VPS41: variants seen among roughly 807,000 people sequenced by gnomAD.
VPS41 encodes the protein VPS41 subunit of HOPS complex.
Under a neutral mutation model 130.9 loss-of-function variants are expected in VPS41, and 85 were observed. The observed-to-expected ratio is 0.65, with a 90% CI of 0.55 to 0.78. VPS41 has a LOEUF of 0.78. Among genes scored for constraint, VPS41 ranks in the 30% least tolerant of loss-of-function variants. VPS41 has a pLI of 0.00. For missense variants in VPS41, 874 were observed against 1,018.7 expected (o/e 0.86, Z 1.93); for synonymous variants, 335 against 332.9 (o/e 1.01, Z -0.07).
chr7:38,748,705 T>C (rs1796035115), intron 22 of VPS41, among the ~76,000 whole-genome samples: 1 of 151,658 alleles, frequency 6.6e-6, no homozygotes, highest in Non-Finnish European at 1.5e-5. Flanking sequence ...AGTTTAACAG[T>C]TAAAAAAAAT....
intron 16 of VPS41, among the ~76,000 whole-genome samples, 168 bp from the exon 17 acceptor site, chr7:38,763,715 A>T (rs952800322): frequency 6.6e-6 from 1 of 152,220 alleles, no homozygotes; most frequent in African/African-American, 2.4e-5. Context: ...ACTTTCTAAC[A>T]ATAAATTATA....
At chr7:38,798,366 C>T (rs961643618) in intron 7 of VPS41, among the ~76,000 whole-genome samples, 4 of 152,172 alleles carry the variant, frequency 2.6e-5, no homozygotes, top group Non-Finnish European at 5.9e-5. Flanking sequence ...CATCTCAGCT[C>T]ACTGCAACCT....
At chr7:38,896,886 T>C (rs1020822948) in intron 2 of VPS41, among the ~76,000 whole-genome samples, 35 of 152,318 alleles carry the variant, frequency 2.3e-4, no homozygotes, top group African/African-American at 3.8e-4. Flanking sequence ...ATCTATAAAA[T>C]TGATAAGCCA....
chr7:38,852,860 T>C (rs1158452643), intron 4 of VPS41, among the ~76,000 whole-genome samples: 2 of 152,204 alleles, frequency 1.3e-5, no homozygotes, highest in Non-Finnish European at 2.9e-5. Context: ...CGATTTACCA[T>C]CATCCTTCTG....
chr7:38,861,225 T>C (rs1187321468), intron 4 of VPS41, among the ~76,000 whole-genome samples: 1 of 152,210 alleles, frequency 6.6e-6, no homozygotes, highest in Non-Finnish European at 1.5e-5. Context: ...CTGCAATTTC[T>C]ATTCAATATC....
intron 14 of VPS41, 21 bp from the exon 15 acceptor site, chr7:38,767,619 A>C (rs200360918): frequency 1.6e-5 from 25 of 1,591,630 alleles, no homozygotes; most frequent in Non-Finnish European, 2.1e-5. Flanking sequence ...CCAAATGAAG[A>C]AATGTCAAAA....
intron 2 of VPS41, among the ~76,000 whole-genome samples, chr7:38,893,361 A>G (rs1232592383): frequency 6.6e-6 from 1 of 152,042 alleles, no homozygotes; most frequent in East Asian, 1.9e-4. Flanking sequence ...ACTCTTGAAG[A>G]CTCCAACTGA....
At position 38,818,030 on chromosome 7, in the gene VPS41, A is replaced by G. The variant is rs562464204; in HGVS notation, c.385-148T>C. 3 of 647,714 alleles carry G rather than the reference A, an allele frequency of 4.6e-6. No individual in the cohort carries two copies. The South Asian group carries it at 5.4e-5, about 12-fold the overall frequency. 40.1% of individuals were successfully genotyped at this position (647,714 alleles called of 1,614,324 possible). On this transcript the variant is annotated intron_variant, in intron 6 of 28. Transcript: ENST00000310301. ...TATATTCAAATCATATTTTACAACA[A>G]CTGATGACATCTGAGTTTTCTTCTT...
intron 7 of VPS41, among the ~76,000 whole-genome samples, chr7:38,802,931 TA>T (rs1235082189): frequency 6.6e-6 from 1 of 152,250 alleles, no homozygotes; most frequent in East Asian, 1.9e-4. Flanking sequence ...CAATGGGAGC[TA>T]AGTACATAGA....
intron 2 of VPS41, among the ~76,000 whole-genome samples, chr7:38,881,834 G>C (rs1193594974): frequency 6.6e-6 from 1 of 151,964 alleles, no homozygotes; most frequent in Non-Finnish European, 1.5e-5. Flanking sequence ...ATTCACTGAC[G>C]AGCAGCTCTA....
At chr7:38,886,374 T>C (rs959953578) in intron 2 of VPS41, among the ~76,000 whole-genome samples, 10 of 152,344 alleles carry the variant, frequency 6.6e-5, no homozygotes, top group African/African-American at 2.4e-4. Context: ...GCAGGTACCA[T>C]GCCCATGGAG....
intron 17 of VPS41, among the ~76,000 whole-genome samples, chr7:38,761,576 A>G (rs1447132004): frequency 2.7e-5 from 4 of 147,952 alleles, no homozygotes; most frequent in Non-Finnish European, 5.9e-5. Flanking sequence ...TACAGGGGTG[A>G]GCCACCACAC....
Position 38,743,548 on chromosome 7 carries a change from TG to T in VPS41, c.1982-7del. 1 of 1,613,348 alleles carries T rather than the reference TG, an allele frequency of 6.2e-7. No individual in the cohort carries two copies. Among genetic ancestry groups the T allele is most frequent in the Non-Finnish European group, 8.5e-7 (1 of 1,179,514 alleles). On this transcript the variant is annotated splice_region_variant and splice_polypyrimidine_tract_variant and intron_variant, in intron 23 of 28. Transcript: ENST00000310301. ...TCGGCTATTACCCATTCGGCCTTGGTGGGGTGAAGATGGGAGAAAGAGTTCA... is the reference window on the plus strand; with the variant it reads ...TCGGCTATTACCCATTCGGCCTTGGTGGGTGAAGATGGGAGAAAGAGTTCA...
At chr7:38,727,060 G>T in intron 27 of VPS41, 72 bp from the exon 28 acceptor site, 2 of 1,354,174 alleles carry the variant, frequency 1.5e-6, no homozygotes, top group Non-Finnish European at 1.9e-6. Flanking sequence ...AATCCCGACT[G>T]AAAGTCGAGT....
chr7:38,872,506 T>C (rs907403157), intron 2 of VPS41, among the ~76,000 whole-genome samples: 2 of 152,236 alleles, frequency 1.3e-5, no homozygotes, highest in African/African-American at 2.4e-5. Flanking sequence ...ATTCCCTTGT[T>C]ATACATAAGC....
chr7:38,868,567 G>T (rs1015080792), intron 3 of VPS41, among the ~76,000 whole-genome samples: 14 of 152,118 alleles, frequency 9.2e-5, no homozygotes, highest in African/African-American at 3.4e-4. Context: ...GACACAAACT[G>T]TTTTGGTCCA....
At chr7:38,808,751 T>C (rs1784884286) in intron 7 of VPS41, among the ~76,000 whole-genome samples, 1 of 152,146 alleles carries the variant, frequency 6.6e-6, no homozygotes, top group Non-Finnish European at 1.5e-5. Flanking sequence ...AGAGAGGAAC[T>C]GCTAATGTCA....
intron 1 of VPS41, among the ~76,000 whole-genome samples, chr7:38,908,046 G>T (rs1241554248): frequency 6.6e-6 from 1 of 151,940 alleles, no homozygotes; most frequent in Non-Finnish European, 1.5e-5. Flanking sequence ...CTCAATTATT[G>T]GCATATATAA....
rs187150845 is a variant in VPS41 at position 38,867,182 on chromosome 7, T to C, written c.168+1964A>G. Among the ~76,000 whole-genome samples, 7 of 152,280 alleles carry C rather than the reference T, an allele frequency of 4.6e-5. No homozygotes were observed. In the East Asian group the frequency reaches 1.4e-3, roughly 29 times the overall value. ...ATTAGGTATGTTCCAATATATAGTA[T>C]GCATCTCTGGGAAACAAGGGAGGAA... On this transcript the variant is annotated intron_variant, in intron 3 of 28. Coordinates refer to ENST00000310301, the MANE Select transcript of VPS41 (RefSeq NM_014396.4).
Sources: allele counts gnomAD v4.1 joint callset (sites outside exome capture counted in the v4.1 genomes callset), GRCh38; gene constraint gnomAD v4.1.1; transcripts MANE v1.5; gene names NCBI Gene and HGNC (gene_info 2026-07-23, HGNC 2026-07-21).